RPS6KA2: variants seen among roughly 807,000 people sequenced by gnomAD.
RPS6KA2 encodes the protein ribosomal protein S6 kinase alpha-2.
RPS6KA2 carries 42 observed loss-of-function variants against 91.8 expected under a neutral mutation model. The observed-to-expected ratio is 0.46, with a 90% CI of 0.36 to 0.59. The LOEUF (loss-of-function observed/expected upper bound fraction) is 0.59, where lower values mean the gene tolerates loss of function less well. RPS6KA2 is among the 20% of genes least tolerant of loss of function. The pLI, the probability that RPS6KA2 is intolerant of heterozygous loss-of-function variation, is 0.00. For missense variants in RPS6KA2, 798 were observed against 978.5 expected, an observed-to-expected ratio of 0.82 and a Z score of 2.46; for synonymous variants, 414 against 393.6, an observed-to-expected ratio of 1.05 and a Z score of -0.61.
At chr6:166,780,343 A>G (rs6456124) in intron 2 of RPS6KA2, among the ~76,000 whole-genome samples, 32,783 of 152,150 alleles carry the variant, frequency 0.22, 4,358 homozygotes, top group African/African-American at 0.37. Context: ...CATGGGGGAC[A>G]ATGGCCACCT....
chr6:166,577,588 A>G (rs1346725285), intron 1 of RPS6KA2, among the ~76,000 whole-genome samples: 1 of 152,148 alleles, frequency 6.6e-6, no homozygotes, highest in Non-Finnish European at 1.5e-5. Flanking sequence ...GTTTTGGCCA[A>G]TTTCTCCCCT....
intron 5 of RPS6KA2, among the ~76,000 whole-genome samples, chr6:166,507,293 G>A (rs1206849643): frequency 2.0e-5 from 3 of 151,964 alleles, no homozygotes; most frequent in Admixed American, 6.6e-5. Context: ...GCGCTGCCAG[G>A]GCCACCTGGG....
Position 166,648,051 on chromosome 6 carries a change from C to G in RPS6KA2, c.124-109267G>C, listed in dbSNP as rs572175224. Among the ~76,000 whole-genome samples the G allele has an allele frequency of 1.3e-4, 20 of 151,266 alleles. No individual in the cohort carries two copies. The highest frequency in any genetic ancestry group is 3.9e-4 in the African/African-American group (16 of 40,984). Reference sequence around the variant, plus strand: ...ATACACACATGCTCTCACACACATGCACATGCTCACACACATGCACACGCA... The same window carrying G: ...ATACACACATGCTCTCACACACATGGACATGCTCACACACATGCACACGCA... On this transcript the variant is annotated intron_variant, in intron 2 of 21. Coordinates refer to the RPS6KA2 transcript ENST00000503859. The surrounding 1 kb of genome is among the most constrained non-coding windows in gnomAD (Gnocchi z 4.8).
intron 2 of RPS6KA2, among the ~76,000 whole-genome samples, chr6:166,651,607 T>C (rs1787857168): frequency 6.6e-6 from 1 of 152,236 alleles, no homozygotes; most frequent in Non-Finnish European, 1.5e-5. Context: ...GCTGTCACTT[T>C]GAAGTGTTAG....
At chr6:166,427,982 G>A (rs1024189665) in intron 16 of RPS6KA2, among the ~76,000 whole-genome samples, 14 of 126,260 alleles carry the variant, frequency 1.1e-4, no homozygotes, top group Admixed American at 5.0e-4. Context: ...AAAAAGAGCC[G>A]CCCGCATCGC....
chr6:166,535,002 T>C (rs1783435140), intron 2 of RPS6KA2, among the ~76,000 whole-genome samples: 1 of 152,250 alleles, frequency 6.6e-6, no homozygotes, highest in Admixed American at 6.5e-5. Flanking sequence ...TCTCCCTCTC[T>C]GCTGTCATTC....
chr6:166,634,609 T>C (rs967294986), intron 2 of RPS6KA2, among the ~76,000 whole-genome samples: 1 of 152,052 alleles, frequency 6.6e-6, no homozygotes, highest in African/African-American at 2.4e-5. Flanking sequence ...AACACATAAC[T>C]CTAAAAAGGG....
chr6:166,847,013 C>A (rs116690704), intron 2 of RPS6KA2, among the ~76,000 whole-genome samples: 2,565 of 151,996 alleles, frequency 0.017, 81 homozygotes, highest in African/African-American at 0.059. Context: ...CCTAAAAAAA[C>A]CTAAAGACTC....
At chr6:166,453,966 G>A (rs73271228) in intron 12 of RPS6KA2, among the ~76,000 whole-genome samples, 5,471 of 152,260 alleles carry the variant, frequency 0.036, 336 homozygotes, top group African/African-American at 0.12. Context: ...GTCAAACATC[G>A]CATGTTCTCA....
chr6:166,802,143 G>C (rs1254828509), intron 2 of RPS6KA2, among the ~76,000 whole-genome samples: 1 of 151,818 alleles, frequency 6.6e-6, no homozygotes, highest in East Asian at 1.9e-4. Context: ...GGTGGTGGGC[G>C]CCTGTAGTCC....
intron 2 of RPS6KA2, among the ~76,000 whole-genome samples, chr6:166,762,876 G>A (rs538466999): frequency 2.4e-4 from 37 of 152,320 alleles, no homozygotes; most frequent in Non-Finnish European, 4.7e-4. Context: ...AGGTACATAG[G>A]TGACTCTCCG....
rs570626558 is a variant in RPS6KA2 at position 166,521,989 on chromosome 6, T to C, written c.298+9243A>G. Among the ~76,000 whole-genome samples, 26 of 152,216 alleles carry C rather than the reference T, an allele frequency of 1.7e-4. No homozygotes were observed. The South Asian group carries it at 5.2e-3, about 30-fold the overall frequency. On this transcript the variant is annotated intron_variant, in intron 3 of 20. Coordinates refer to ENST00000265678, the MANE Select transcript of RPS6KA2 (RefSeq NM_021135.6). The stretch of plus-strand genomic sequence containing the variant: ...CCAGAGAGCTCATTCATGCCTTCCA[T>C]CAAGTGAGGACACAGCCAGAAGATG...
intron 2 of RPS6KA2, among the ~76,000 whole-genome samples, chr6:166,851,703 G>A (rs1054243928): frequency 3.9e-5 from 6 of 152,116 alleles, no homozygotes; most frequent in Non-Finnish European, 8.8e-5. Flanking sequence ...TCTGTTTCTC[G>A]GAAAGAAAGC....
At chr6:166,754,379 G>A (rs1777935432) in intron 2 of RPS6KA2, among the ~76,000 whole-genome samples, 1 of 152,218 alleles carries the variant, frequency 6.6e-6, no homozygotes, top group Non-Finnish European at 1.5e-5. Context: ...TGGAGGCAGA[G>A]GGGTGCAGGA....
At chr6:166,794,311 T>A (rs952577848) in intron 2 of RPS6KA2, among the ~76,000 whole-genome samples, 17 of 151,792 alleles carry the variant, frequency 1.1e-4, no homozygotes, top group Non-Finnish European at 2.1e-4. Flanking sequence ...TGAGATACCA[T>A]CTCATACCAG....
chr6:166,853,364 A>G (rs925986896), intron 2 of RPS6KA2, among the ~76,000 whole-genome samples: 5 of 152,246 alleles, frequency 3.3e-5, no homozygotes, highest in African/African-American at 9.6e-5. Flanking sequence ...AAAATCATCT[A>G]TGTATCTAAG....
Position 166,685,397 on chromosome 6 carries a change from G to T in RPS6KA2, c.124-146613C>A, listed in dbSNP as rs1287258286. On this transcript the variant is annotated intron_variant, in intron 2 of 21. Coordinates refer to the RPS6KA2 transcript ENST00000503859. ...AGGACAGAGGCTGAGAAGGGCAATG[G>T]TTAAAATGATCTGTTGGCCATTTCT... 2.0e-5 allele frequency among the ~76,000 whole-genome samples: 3 copies of T among 152,192 alleles called. No homozygotes were observed. In the East Asian group the frequency reaches 5.8e-4, roughly 29 times the overall value.
intron 1 of RPS6KA2, among the ~76,000 whole-genome samples, chr6:166,596,531 T>G (rs1785539455): frequency 6.6e-6 from 1 of 152,174 alleles, no homozygotes; most frequent in African/African-American, 2.4e-5. Flanking sequence ...CTCCAAGTTC[T>G]TCAGTCTTTG....
At chr6:166,620,594 G>A (rs186219822) in intron 1 of RPS6KA2, among the ~76,000 whole-genome samples, 1 of 152,336 alleles carries the variant, frequency 6.6e-6, no homozygotes, top group East Asian at 1.9e-4. Context: ...AGAAACAGAT[G>A]TGTATTCAAA....
Sources: gnomAD v4.1 joint callset for allele counts (sites outside exome capture counted in the v4.1 genomes callset) on GRCh38, gnomAD v4.1.1 for gene constraint, Gnocchi (gnomAD v3.1) non-coding constraint, MANE v1.5 for transcripts, NCBI Gene and HGNC (gene_info 2026-07-23, HGNC 2026-07-21) for gene names.